RCAN2: variants seen among roughly 807,000 people sequenced by gnomAD.
The protein encoded by RCAN2 is calcipressin-2.
Under a neutral mutation model 23.6 loss-of-function variants are expected in RCAN2, and 9 were observed. The observed-to-expected ratio is 0.38, with a 90% CI of 0.23 to 0.67. The LOEUF (loss-of-function observed/expected upper bound fraction) is 0.67, where lower values mean the gene tolerates loss of function less well. Among genes scored for constraint, RCAN2 ranks in the 30% least tolerant of loss-of-function variants. The pLI is 0.51. For synonymous variants in RCAN2, 109 were observed against 115.7 expected (o/e 0.94, Z 0.37); for missense variants, 273 against 302.3 (o/e 0.90, Z 0.72).
At chr6:46,325,622 C>A in intron 2 of RCAN2, 1 of 1,438,536 alleles carries the variant, frequency 7.0e-7, no homozygotes, top group Non-Finnish European at 9.1e-7. Flanking sequence ...TCCTGGAGCC[C>A]GCTCCCACTG....
rs532922651 is a variant in RCAN2 at position 46,323,486 on chromosome 6, C to G, written c.226-74590G>C. Among the ~76,000 whole-genome samples, 8 of 152,210 alleles carry G rather than the reference C, an allele frequency of 5.3e-5. No homozygotes were observed. The East Asian group carries it at 1.5e-3, about 29-fold the overall frequency. ...TCTGGTAACAGTCTTCCTCGAAAAA[C>G]CTCATAAATTTATGAAGAACAGCAT... On this transcript the variant is annotated intron_variant, in intron 2 of 4. Coordinates refer to ENST00000371374, the MANE Select transcript of RCAN2 (RefSeq NM_001251974.2).
intron 2 of RCAN2, among the ~76,000 whole-genome samples, chr6:46,257,679 T>C (rs961906696): frequency 6.6e-6 from 1 of 152,142 alleles, no homozygotes; most frequent in Non-Finnish European, 1.5e-5. Context: ...GTGGGGATTA[T>C]AGGTCCCTCC....
At chr6:46,443,590 T>C (rs1259623243) in intron 2 of RCAN2, among the ~76,000 whole-genome samples, 3 of 152,200 alleles carry the variant, frequency 2.0e-5, no homozygotes, top group Admixed American at 1.3e-4. Context: ...AAGACACTTC[T>C]AATTTTTTTA....
chr6:46,246,712 CA>C, intron 4 of RCAN2, 35 bp downstream of exon 4: 1 of 1,599,222 alleles, frequency 6.3e-7, no homozygotes, highest in Non-Finnish European at 8.5e-7. Context: ...AGGTTGCTGA[CA>C]AACGTTTATT....
intron 3 of RCAN2, 87 bp downstream of exon 3, chr6:46,248,636 G>A (rs1416353306): frequency 2.1e-5 from 23 of 1,112,540 alleles, no homozygotes; most frequent in Non-Finnish European, 2.8e-5. Context: ...CAACCAATCT[G>A]AAAATAGAAA....
chr6:46,398,467 A>G lies in RCAN2; in HGVS notation c.225+58285T>C, dbSNP rs549042480. 1.7e-3 allele frequency among the ~76,000 whole-genome samples: 263 copies of G among 152,270 alleles called. 2 individuals carry two copies. Among genetic ancestry groups the G allele is most frequent in the African/African-American group, 5.9e-3 (245 of 41,558 alleles). On this transcript the variant is annotated intron_variant, in intron 2 of 4. Coordinates refer to ENST00000371374, the MANE Select transcript of RCAN2 (RefSeq NM_001251974.2). Reference sequence around the variant, plus strand: ...GAATTTTTGATGTAGTGTTTTCATTAAGATGCTAACCTTAACCCAGTAATA... The same window carrying G: ...GAATTTTTGATGTAGTGTTTTCATTGAGATGCTAACCTTAACCCAGTAATA...
intron 2 of RCAN2, among the ~76,000 whole-genome samples, chr6:46,261,292 A>G (rs933576228): frequency 6.6e-6 from 1 of 152,218 alleles, no homozygotes; most frequent in African/African-American, 2.4e-5. Context: ...TGTTACTAGC[A>G]AACTCTAGAG....
At chr6:46,329,245 C>G (rs1469111084) in intron 2 of RCAN2, among the ~76,000 whole-genome samples, 1 of 152,218 alleles carries the variant, frequency 6.6e-6, no homozygotes, top group East Asian at 1.9e-4. Context: ...CAGATCACAT[C>G]TCTTTGGAAA....
intron 2 of RCAN2, among the ~76,000 whole-genome samples, chr6:46,398,503 C>G (rs1766155224): frequency 6.6e-6 from 1 of 152,112 alleles, no homozygotes; most frequent in Admixed American, 6.6e-5. Context: ...TAGACATGTT[C>G]TGGATCATCT....
chr6:46,370,462 T>C (rs1765295635), intron 2 of RCAN2, among the ~76,000 whole-genome samples: 1 of 152,162 alleles, frequency 6.6e-6, no homozygotes, highest in Admixed American at 6.5e-5. Flanking sequence ...TGACTTCCAG[T>C]TAAATTCAGC....
chr6:46,403,744 G>A (rs992511521), intron 2 of RCAN2, among the ~76,000 whole-genome samples: 2 of 152,090 alleles, frequency 1.3e-5, no homozygotes, highest in African/African-American at 4.8e-5. Flanking sequence ...TGCTCCTGCT[G>A]TTTAAAATAA....
intron 2 of RCAN2, among the ~76,000 whole-genome samples, chr6:46,252,433 T>C (rs1411515864): frequency 6.6e-6 from 1 of 152,206 alleles, no homozygotes; most frequent in African/African-American, 2.4e-5. Flanking sequence ...CCTGTTTGAA[T>C]AAAGTTCCAC....
intron 2 of RCAN2, among the ~76,000 whole-genome samples, chr6:46,328,047 T>C (rs1002174894): frequency 1.3e-5 from 2 of 152,248 alleles, no homozygotes; most frequent in Admixed American, 6.5e-5. Context: ...GTATGAATTA[T>C]TTCACACTTT....
intron 2 of RCAN2, among the ~76,000 whole-genome samples, chr6:46,447,893 G>A (rs908159817): frequency 2.0e-5 from 3 of 150,970 alleles, no homozygotes; most frequent in African/African-American, 7.3e-5. Context: ...CATCAAAAAA[G>A]AAGATTTCAA....
intron 2 of RCAN2, among the ~76,000 whole-genome samples, chr6:46,264,731 C>T (rs1323109444): frequency 2.6e-5 from 4 of 152,224 alleles, no homozygotes; most frequent in South Asian, 2.1e-4. Flanking sequence ...ACAAAACCGA[C>T]TCTTCGGCTA....
chr6:46,410,262 G>A (rs774975591), intron 2 of RCAN2, among the ~76,000 whole-genome samples: 2 of 152,146 alleles, frequency 1.3e-5, no homozygotes, highest in Non-Finnish European at 2.9e-5. Flanking sequence ...TTTGCAGAAG[G>A]TCCATCATGG....
rs143006070 is a variant in RCAN2, at chr6:46,308,390, T to C, written c.226-59494A>G. Reference sequence around the variant, plus strand: ...TGACCCTAAGGAGCATGAACTCTTCTCTTAGACAAATTGGTTTTGCAACAC... The same window carrying C: ...TGACCCTAAGGAGCATGAACTCTTCCCTTAGACAAATTGGTTTTGCAACAC... On this transcript the variant is annotated intron_variant, in intron 2 of 4. Transcript: ENST00000371374. Among the ~76,000 whole-genome samples, 4 of 152,280 alleles carry C rather than the reference T, an allele frequency of 2.6e-5. No homozygotes were observed. In the East Asian group the frequency reaches 5.8e-4, roughly 22 times the overall value.
intron 2 of RCAN2, among the ~76,000 whole-genome samples, chr6:46,393,363 T>C (rs562789945): frequency 6.6e-6 from 1 of 152,300 alleles, no homozygotes; most frequent in East Asian, 1.9e-4. Flanking sequence ...TGATCCATGG[T>C]GTTGCAAGAG....
chr6:46,364,511 C>A (rs901723405), intron 2 of RCAN2, among the ~76,000 whole-genome samples: 5 of 152,084 alleles, frequency 3.3e-5, no homozygotes, highest in Non-Finnish European at 5.9e-5. Flanking sequence ...ACTGAGTAAC[C>A]CACACTCCAC....
Sources: allele counts gnomAD v4.1 joint callset (sites outside exome capture counted in the v4.1 genomes callset), GRCh38; gene constraint gnomAD v4.1.1; transcripts MANE v1.5; gene names NCBI Gene and HGNC (gene_info 2026-07-23, HGNC 2026-07-21).